PTPRO: variants seen among roughly 807,000 people sequenced by gnomAD.
PTPRO encodes receptor-type tyrosine-protein phosphatase O.
A neutral mutation model predicts 145.2 loss-of-function variants in PTPRO; 62 were observed. The ratio of observed to expected loss-of-function variants is 0.43; its 90% CI spans 0.35 to 0.53. The LOEUF (loss-of-function observed/expected upper bound fraction) is 0.53. PTPRO is among the 20% of genes least tolerant of loss of function. The pLI is 0.01. For missense variants in PTPRO, 1,345 were observed against 1,482.7 expected (o/e 0.91, Z 1.53); for synonymous variants, 565 against 514.7 (o/e 1.10, Z -1.32).
chr12:15,507,184 G>A (rs542091550), intron 6 of PTPRO, among the ~76,000 whole-genome samples: 14 of 152,148 alleles, frequency 9.2e-5, no homozygotes, highest in Non-Finnish European at 1.5e-4. Context: ...AGGCCAAGGC[G>A]GGCGGATCAC....
chr12:15,528,210 T>C (rs753073216), intron 12 of PTPRO, among the ~76,000 whole-genome samples: 1 of 151,378 alleles, frequency 6.6e-6, no homozygotes, highest in Non-Finnish European at 1.5e-5. Context: ...AAGTGAAGTC[T>C]GACTATAAGA....
chr12:15,418,812 C>G (rs184067298), intron 1 of PTPRO, among the ~76,000 whole-genome samples: 5 of 151,514 alleles, frequency 3.3e-5, no homozygotes, highest in Admixed American at 6.6e-5. Context: ...TTTTTTTCCC[C>G]TAAGCCTAAT....
At chr12:15,576,198 G>A (rs1423665398) in intron 19 of PTPRO, among the ~76,000 whole-genome samples, 2 of 152,178 alleles carry the variant, frequency 1.3e-5, no homozygotes, top group African/African-American at 4.8e-5. Flanking sequence ...TGGTTGGAAA[G>A]AAAATAACTT....
At chr12:15,515,811 G>GA (rs1263899267) in intron 8 of PTPRO, among the ~76,000 whole-genome samples, 193 bp downstream of exon 8, 1 of 151,838 alleles carries the variant, frequency 6.6e-6, no homozygotes, top group Non-Finnish European at 1.5e-5. Flanking sequence ...ATTACTTGGG[G>GA]AAAAAATCAG....
chr12:15,459,603 T>C (rs921371084), intron 1 of PTPRO, among the ~76,000 whole-genome samples: 10 of 152,168 alleles, frequency 6.6e-5, no homozygotes, highest in African/African-American at 2.4e-4. Flanking sequence ...TCTGAATTTA[T>C]TGCAAAAGGA....
chr12:15,374,744 T>G (rs1262639637), intron 1 of PTPRO, among the ~76,000 whole-genome samples: 1 of 152,110 alleles, frequency 6.6e-6, no homozygotes, highest in East Asian at 1.9e-4. Context: ...ACAGTACCAG[T>G]TGGGGTGAAC....
chr12:15,534,292 A>G (rs1943023555), intron 12 of PTPRO, among the ~76,000 whole-genome samples: 1 of 152,126 alleles, frequency 6.6e-6, no homozygotes, highest in Non-Finnish European at 1.5e-5. Context: ...CTTAAAAAAA[A>G]GAAAAAGAAA....
At chr12:15,509,893 A>T (rs1942404093) in intron 7 of PTPRO, among the ~76,000 whole-genome samples, 2 of 152,162 alleles carry the variant, frequency 1.3e-5, no homozygotes, top group African/African-American at 4.8e-5. Flanking sequence ...GAAACTGTGC[A>T]ACTGGAGCCC....
At chr12:15,593,659 T>C (rs1463052657) in intron 25 of PTPRO, among the ~76,000 whole-genome samples, 1 of 152,188 alleles carries the variant, frequency 6.6e-6, no homozygotes. Flanking sequence ...CACTATTGCA[T>C]ACTTAAACCA....
At position 15,515,741 on chromosome 12, in the gene PTPRO, T is replaced by C. The variant is rs1942563406; in HGVS notation, c.1585+123T>C. 7.1e-6 allele frequency: 9 copies of C among 1,262,934 alleles called. No homozygotes were observed. In the South Asian group the frequency reaches 9.7e-5, roughly 14 times the overall value. 78.2% of individuals were successfully genotyped at this position (1,262,934 alleles called of 1,614,324 possible). A position where few individuals can be genotyped will look rare whatever the true frequency, so the allele number is the denominator to read the frequency against. On this transcript the variant is annotated intron_variant, in intron 8 of 26. Transcript: ENST00000281171. ...AAGGTCCATATTAGTTCATCCAATATGCTACCTTCAGAGTAATAAATAACA... is the reference window on the plus strand; with the variant it reads ...AAGGTCCATATTAGTTCATCCAATACGCTACCTTCAGAGTAATAAATAACA...
chr12:15,409,692 CAGA>C (rs1269662063), intron 1 of PTPRO, among the ~76,000 whole-genome samples: 1 of 152,002 alleles, frequency 6.6e-6, no homozygotes, highest in Non-Finnish European at 1.5e-5. Context: ...GAAGGGGAAG[CAGA>C]AGCTTACATG....
intron 1 of PTPRO, among the ~76,000 whole-genome samples, chr12:15,421,403 A>G (rs1940141379): frequency 1.3e-5 from 2 of 152,322 alleles, no homozygotes; most frequent in East Asian, 1.9e-4. Flanking sequence ...GAGAAGGGAG[A>G]GAGTTAAGGA....
intron 1 of PTPRO, among the ~76,000 whole-genome samples, chr12:15,401,130 G>A (rs1016797935): frequency 2.6e-5 from 4 of 152,108 alleles, no homozygotes; most frequent in Non-Finnish European, 5.9e-5. Flanking sequence ...ATGGGCCAGT[G>A]GTACAGACAT....
At chr12:15,486,656 A>G (rs1458048478) in intron 2 of PTPRO, among the ~76,000 whole-genome samples, 3 of 152,190 alleles carry the variant, frequency 2.0e-5, no homozygotes, top group East Asian at 1.9e-4. Flanking sequence ...TATATTCAAA[A>G]TATTATTTCA....
At chr12:15,354,051 T>C (rs1278448311) in intron 1 of PTPRO, among the ~76,000 whole-genome samples, 1 of 152,186 alleles carries the variant, frequency 6.6e-6, no homozygotes, top group East Asian at 1.9e-4. Context: ...AACTAAGATG[T>C]CTATGGTGTT....
intron 18 of PTPRO, among the ~76,000 whole-genome samples, chr12:15,568,949 C>A (rs921713646): frequency 3.3e-5 from 5 of 152,144 alleles, no homozygotes; most frequent in Non-Finnish European, 1.5e-5. Context: ...TACTGTATGT[C>A]AACCCTGTAG....
intron 1 of PTPRO, among the ~76,000 whole-genome samples, chr12:15,422,348 A>G (rs992474375): frequency 6.6e-6 from 1 of 152,206 alleles, no homozygotes; most frequent in African/African-American, 2.4e-5. Flanking sequence ...TAACCACTAC[A>G]TAAATATTAA....
intron 1 of PTPRO, among the ~76,000 whole-genome samples, chr12:15,354,804 CTTA>C (rs1232778212): frequency 1.3e-5 from 2 of 152,110 alleles, no homozygotes; most frequent in African/African-American, 2.4e-5. Flanking sequence ...AAAAACAAGG[CTTA>C]GGGCTATGAA....
chr12:15,514,451 CAAAAAA>C (rs71438353), intron 7 of PTPRO, among the ~76,000 whole-genome samples: 7 of 68,936 alleles, frequency 1.0e-4, no homozygotes, highest in Non-Finnish European at 2.0e-4. Context: ...GACTCTGTCT[CAAAAAA>C]AAAAAAAAAA....
Sources: allele counts gnomAD v4.1 joint callset (sites outside exome capture counted in the v4.1 genomes callset), GRCh38; gene constraint gnomAD v4.1.1; transcripts MANE v1.5; gene names NCBI Gene and HGNC (gene_info 2026-07-23, HGNC 2026-07-21).